Variants in STK39 observed in about 807,000 individuals in gnomAD.
STK39 encodes serine/threonine kinase 39, also known as STE20/SPS1-related proline-alanine-rich protein kinase.
A neutral mutation model predicts 77.8 loss-of-function variants in STK39; 20 were observed. The ratio of observed to expected loss-of-function variants is 0.26; its 90% CI spans 0.18 to 0.37. The LOEUF (loss-of-function observed/expected upper bound fraction) is 0.37. STK39 is among the 10% of genes least tolerant of loss of function. STK39 has a pLI of 1.00. For missense variants in STK39, 479 were observed against 656.5 expected, an observed-to-expected ratio of 0.73 and a Z score of 2.95; for synonymous variants, 246 against 234.1, an observed-to-expected ratio of 1.05 and a Z score of -0.47.
intron 3 of STK39, among the ~76,000 whole-genome samples, chr2:168,165,355 C>T (rs567524883): frequency 6.8e-6 from 1 of 147,018 alleles, no homozygotes; most frequent in African/African-American, 2.7e-5. Flanking sequence ...AGATTCTCAG[C>T]TTCATAAAGC....
At chr2:168,018,595 A>AAAGAAAGAAAGAAAGG (rs1684492275) in intron 14 of STK39, among the ~76,000 whole-genome samples, 1 of 149,106 alleles carries the variant, frequency 6.7e-6, no homozygotes, top group South Asian at 2.1e-4. Flanking sequence ...AGAAAGAAAG[A>AAAGAAAGAAAGAAAGG]AAGAAATTGC....
intron 16 of STK39, among the ~76,000 whole-genome samples, chr2:167,976,792 C>T (rs1683287315): frequency 6.6e-6 from 1 of 152,182 alleles, no homozygotes; most frequent in Admixed American, 6.5e-5. Context: ...TGAAAAACCC[C>T]TAGCCTACAA....
At chr2:168,026,265 A>AGGT (rs1378946702) in intron 14 of STK39, among the ~76,000 whole-genome samples, 1 of 152,234 alleles carries the variant, frequency 6.6e-6, no homozygotes, top group African/African-American at 2.4e-5. Context: ...ATTCAGAGAA[A>AGGT]GGTGTATTCC....
intron 16 of STK39, among the ~76,000 whole-genome samples, chr2:167,982,228 T>C (rs1204913284): frequency 6.6e-6 from 1 of 152,214 alleles, no homozygotes; most frequent in Non-Finnish European, 1.5e-5. Flanking sequence ...GTCATCCTTT[T>C]AGTTTGCATT....
chr2:168,231,321 C>T (rs1364160002), intron 1 of STK39, among the ~76,000 whole-genome samples: 1 of 152,016 alleles, frequency 6.6e-6, no homozygotes, highest in Non-Finnish European at 1.5e-5. Context: ...AAGTTTTTTG[C>T]TGCTGTTGTT....
intron 14 of STK39, among the ~76,000 whole-genome samples, chr2:168,038,962 A>C (rs1410501792): frequency 1.3e-5 from 2 of 152,190 alleles, no homozygotes; most frequent in Non-Finnish European, 2.9e-5. Flanking sequence ...GTAAAATGGA[A>C]AATCCACTTT....
intron 16 of STK39, among the ~76,000 whole-genome samples, chr2:167,990,329 A>G (rs1042318922): frequency 2.0e-5 from 3 of 152,196 alleles, no homozygotes; most frequent in Non-Finnish European, 4.4e-5. Context: ...AGGTCAGTCA[A>G]ATATATATTT....
At chr2:168,021,712 A>C (rs1366946561) in intron 14 of STK39, among the ~76,000 whole-genome samples, 1 of 152,096 alleles carries the variant, frequency 6.6e-6, no homozygotes, top group Non-Finnish European at 1.5e-5. Flanking sequence ...AAAACTCTTA[A>C]ATTTGGTAAG....
chr2:168,077,244 A>C (rs1344282495), intron 10 of STK39, among the ~76,000 whole-genome samples: 1 of 152,158 alleles, frequency 6.6e-6, no homozygotes, highest in Non-Finnish European at 1.5e-5. Context: ...TACACTAAGG[A>C]AATCTTCTTT....
chr2:168,215,047 ACCGTATT>A (rs1689992324), intron 1 of STK39, among the ~76,000 whole-genome samples: 2 of 152,188 alleles, frequency 1.3e-5, no homozygotes, highest in Non-Finnish European at 2.9e-5. Flanking sequence ...TGTTTTCAAC[ACCGTATT>A]TGCGCTGACC....
intron 10 of STK39, among the ~76,000 whole-genome samples, chr2:168,076,071 T>G (rs16854660): frequency 0.02 from 3,049 of 152,234 alleles, 107 homozygotes; most frequent in African/African-American, 0.07. Context: ...CTTAAAAAAT[T>G]TACTAAGATG....
intron 16 of STK39, among the ~76,000 whole-genome samples, chr2:167,978,771 T>C (rs1683343732): frequency 6.6e-6 from 1 of 152,186 alleles, no homozygotes; most frequent in Non-Finnish European, 1.5e-5. Flanking sequence ...CATCTTCCTC[T>C]TCCTGATCCG....
intron 1 of STK39, among the ~76,000 whole-genome samples, chr2:168,224,717 A>T (rs1022409391): frequency 2.6e-5 from 4 of 152,230 alleles, no homozygotes; most frequent in Non-Finnish European, 5.9e-5. Flanking sequence ...CTTATGTGCT[A>T]AAAAGGCATT....
At chr2:168,033,653 G>T (rs1006763769) in intron 14 of STK39, among the ~76,000 whole-genome samples, 2 of 152,156 alleles carry the variant, frequency 1.3e-5, no homozygotes. Flanking sequence ...ATAACTCCTT[G>T]TAACAGCCTC....
intron 14 of STK39, among the ~76,000 whole-genome samples, chr2:168,027,778 A>G (rs546092198): frequency 5.3e-5 from 8 of 152,298 alleles, no homozygotes; most frequent in South Asian, 4.1e-4. Flanking sequence ...CCCGCTGGCT[A>G]CCTGACAGCC....
At chr2:168,009,483 T>C (rs975586869) in intron 16 of STK39, among the ~76,000 whole-genome samples, 2 of 152,168 alleles carry the variant, frequency 1.3e-5, no homozygotes, top group African/African-American at 4.8e-5. Flanking sequence ...AGGTATAAAT[T>C]ATATGCAAAG....
At chr2:168,086,977 A>G (rs560993584) in intron 10 of STK39, among the ~76,000 whole-genome samples, 1 of 152,360 alleles carries the variant, frequency 6.6e-6, no homozygotes, top group East Asian at 1.9e-4. Context: ...GCAGAATCCA[A>G]TTTTGTAACT....
chr2:167,954,393 G>A lies in STK39; in HGVS notation c.*1103C>T, dbSNP rs536240568. The A allele has an allele frequency of 3.9e-5, 6 of 152,594 alleles. No homozygotes were observed. The highest frequency in any genetic ancestry group is 1.3e-4 in the Admixed American group (2 of 15,278). 9.5% of individuals were successfully genotyped at this position (152,594 alleles called of 1,614,324 possible). On this transcript the variant is annotated 3_prime_UTR_variant, in exon 18 of 18. Coordinates refer to ENST00000355999, the MANE Select transcript of STK39 (RefSeq NM_013233.3). Reference sequence around the variant, plus strand: ...GTATTGATTCTTGAACCTTAACAGCGTTTTACCTTTTAGTCATTGCACAAA... The same window carrying A: ...GTATTGATTCTTGAACCTTAACAGCATTTTACCTTTTAGTCATTGCACAAA...
intron 10 of STK39, among the ~76,000 whole-genome samples, chr2:168,103,098 T>A (rs866789988): frequency 6.6e-6 from 1 of 152,090 alleles, no homozygotes; most frequent in Non-Finnish European, 1.5e-5. Flanking sequence ...GAGGTCTACC[T>A]TGAGCAAGTA....
Sources: allele counts gnomAD v4.1 joint callset (sites outside exome capture counted in the v4.1 genomes callset), GRCh38; gene constraint gnomAD v4.1.1; transcripts MANE v1.5; gene names NCBI Gene and HGNC (gene_info 2026-07-23, HGNC 2026-07-21).